Variants in CAMTA1 observed in about 807,000 individuals in gnomAD.
The protein encoded by CAMTA1 is calmodulin-binding transcription activator 1.
Under a neutral mutation model 170.9 loss-of-function variants are expected in CAMTA1, and 27 were observed. The observed-to-expected ratio is 0.16, with a 90% CI of 0.12 to 0.22. CAMTA1 has a LOEUF of 0.22. CAMTA1 is among the 10% of genes least tolerant of loss of function. The probability of loss-of-function intolerance (pLI) is 1.00; values close to 1 mark genes in which losing one functional copy is unlikely to be tolerated. For missense variants in CAMTA1, 1,619 were observed against 2,217.2 expected (o/e 0.73, Z 5.42); for synonymous variants, 833 against 891.5 (o/e 0.93, Z 1.17).
chr1:7,704,472 T>TCGCGCGGGGA (rs1246266669), intron 11 of CAMTA1, among the ~76,000 whole-genome samples: 1 of 144,510 alleles, frequency 6.9e-6, no homozygotes, highest in Non-Finnish European at 1.5e-5. Context: ...GGCCCGGCTC[T>TCGCGCGGGGA]CGCGCGGGGA....
At chr1:7,159,442 C>T (rs749509388) in intron 4 of CAMTA1, among the ~76,000 whole-genome samples, 2 of 152,116 alleles carry the variant, frequency 1.3e-5, no homozygotes, top group African/African-American at 4.8e-5. Flanking sequence ...TGTCCTCACC[C>T]ATGCCCCACA....
intron 5 of CAMTA1, among the ~76,000 whole-genome samples, chr1:7,337,764 A>G (rs1439028036): frequency 6.6e-6 from 1 of 152,192 alleles, no homozygotes; most frequent in African/African-American, 2.4e-5. Context: ...AGGTTTCCCT[A>G]AGAAAAAGGA....
chr1:7,518,476 C>G (rs772465276), intron 6 of CAMTA1, among the ~76,000 whole-genome samples: 1 of 151,948 alleles, frequency 6.6e-6, no homozygotes, highest in African/African-American at 2.4e-5. Flanking sequence ...GATTGCAGAG[C>G]CCCTGAAGTC....
intron 9 of CAMTA1, among the ~76,000 whole-genome samples, chr1:7,666,768 C>T (rs1482398582): frequency 1.3e-5 from 2 of 152,250 alleles, no homozygotes; most frequent in African/African-American, 2.4e-5. Flanking sequence ...TGTGTACAGA[C>T]ACCCCCAGCT....
chr1:7,661,596 G>C, intron 7 of CAMTA1, 130 bp from the exon 8 acceptor site: 1 of 1,033,772 alleles, frequency 9.7e-7, no homozygotes, highest in Non-Finnish European at 1.4e-6. Context: ...TCATCAATTC[G>C]CCCCAGGAGC....
chr1:7,017,874 G>A (rs72638601), intron 3 of CAMTA1, among the ~76,000 whole-genome samples: 6,852 of 152,246 alleles, frequency 0.045, 181 homozygotes, highest in Middle Eastern at 0.15. Context: ...TCCAAAATGC[G>A]TTGGTTGGTG....
At chr1:7,078,397 C>T (rs577683706) in intron 3 of CAMTA1, among the ~76,000 whole-genome samples, 2 of 152,184 alleles carry the variant, frequency 1.3e-5, no homozygotes, top group African/African-American at 4.8e-5. Context: ...TTAAGGAAGG[C>T]AGAATCGGTA....
chr1:6,913,585 C>T (rs1680162517), intron 3 of CAMTA1, among the ~76,000 whole-genome samples: 2 of 152,134 alleles, frequency 1.3e-5, no homozygotes, highest in South Asian at 4.2e-4. Context: ...TTCTTCCTGC[C>T]CTGGGTGCTG....
intron 6 of CAMTA1, among the ~76,000 whole-genome samples, chr1:7,489,650 G>A (rs1404340697): frequency 1.3e-5 from 2 of 152,184 alleles, no homozygotes; most frequent in East Asian, 3.9e-4. Flanking sequence ...GCAAAGCATT[G>A]CGCAGAATTT....
rs77001593 is a variant in CAMTA1, at chr1:7,249,001, G to T, written c.303-490G>T. Among the ~76,000 whole-genome samples, 19 of 152,308 alleles carry T rather than the reference G, an allele frequency of 1.2e-4. 1 individual carries two copies. The East Asian group carries it at 3.7e-3, about 29-fold the overall frequency. ...AATGAACCAACAGCATTTGGCCTCG[G>T]TGAACAGCTCTGCCATCGGTCTGTT... On this transcript the variant is annotated intron_variant, in intron 4 of 22. Coordinates refer to ENST00000303635, the MANE Select transcript of CAMTA1 (RefSeq NM_015215.4). The surrounding 1 kb of genome is among the most constrained non-coding windows in gnomAD (Gnocchi z 4.4).
intron 3 of CAMTA1, among the ~76,000 whole-genome samples, chr1:6,848,286 C>T (rs1328832398): frequency 6.6e-6 from 1 of 152,186 alleles, no homozygotes; most frequent in African/African-American, 2.4e-5. Flanking sequence ...GTGGCTGAGA[C>T]CACAGGGGTG....
chr1:7,080,922 G>A (rs936969656), intron 3 of CAMTA1, among the ~76,000 whole-genome samples: 2 of 152,240 alleles, frequency 1.3e-5, no homozygotes, highest in East Asian at 1.9e-4. Flanking sequence ...TAAAGCAGCA[G>A]CTGCTATCTC....
chr1:7,719,675 C>G (rs1457836191), intron 11 of CAMTA1, among the ~76,000 whole-genome samples: 1 of 152,218 alleles, frequency 6.6e-6, no homozygotes, highest in African/African-American at 2.4e-5. Context: ...GGCCCTTACC[C>G]TTCCCTCTGC....
chr1:7,234,587 C>T lies in CAMTA1; in HGVS notation c.303-14904C>T, dbSNP rs1337983839. Among the ~76,000 whole-genome samples the T allele has an allele frequency of 1.3e-5, 2 of 152,158 alleles. No homozygotes were observed. Among genetic ancestry groups the T allele is most frequent in the Non-Finnish European group, 2.9e-5 (2 of 68,026 alleles). ...AACTGAACAAATCAGTGAACGTCAG[C>T]GTAGAGTTTCAAGCCGAGGCCCTGG... On this transcript the variant is annotated intron_variant, in intron 4 of 22. Coordinates refer to ENST00000303635, the MANE Select transcript of CAMTA1 (RefSeq NM_015215.4). This position sits in a 1 kb window ranked among gnomAD's most constrained non-coding sequence, Gnocchi z 5.0.
chr1:7,239,263 T>C (rs1014865052), intron 4 of CAMTA1, among the ~76,000 whole-genome samples: 1 of 152,210 alleles, frequency 6.6e-6, no homozygotes, highest in Non-Finnish European at 1.5e-5. Context: ...ATTCTAAATC[T>C]CATTACATAC....
rs911571500 is a variant in CAMTA1 at position 7,545,413 on chromosome 1, C to T, written c.510+77512C>T. Among the ~76,000 whole-genome samples, 115 of 152,190 alleles carry T rather than the reference C, an allele frequency of 7.6e-4. 1 individual carries two copies. Among genetic ancestry groups the T allele is most frequent in the African/African-American group, 2.5e-3 (104 of 41,452 alleles). ...AATCCTGTCTTCAATGACATTTTACCGATTGTTCCAATGATGTCAGCATCA... is the reference window on the plus strand; with the variant it reads ...AATCCTGTCTTCAATGACATTTTACTGATTGTTCCAATGATGTCAGCATCA... On this transcript the variant is annotated intron_variant, in intron 6 of 22. Transcript: ENST00000303635.
intron 5 of CAMTA1, among the ~76,000 whole-genome samples, chr1:7,451,465 G>A (rs532989318): frequency 6.0e-4 from 91 of 152,222 alleles, no homozygotes; most frequent in Admixed American, 1.8e-3. Flanking sequence ...GAGTCAGCTC[G>A]CCCCATCCCT....
intron 3 of CAMTA1, among the ~76,000 whole-genome samples, chr1:6,916,374 G>A (rs1009955875): frequency 6.6e-6 from 1 of 152,156 alleles, no homozygotes; most frequent in Admixed American, 6.5e-5. Flanking sequence ...GCCGCCGGCC[G>A]AGTTCCTGTA....
chr1:7,504,098 G>A (rs1575679722), intron 6 of CAMTA1, among the ~76,000 whole-genome samples: 1 of 152,214 alleles, frequency 6.6e-6, no homozygotes, highest in Non-Finnish European at 1.5e-5. Context: ...TCTGTGGGCA[G>A]TGGTGGGTTC....
Sources: allele counts gnomAD v4.1 joint callset (sites outside exome capture counted in the v4.1 genomes callset), GRCh38; gene constraint gnomAD v4.1.1; non-coding constraint Gnocchi (gnomAD v3.1); transcripts MANE v1.5; gene names NCBI Gene and HGNC (gene_info 2026-07-23, HGNC 2026-07-21).